Variants in PCDHA5 observed in about 807,000 individuals in gnomAD.
The protein encoded by PCDHA5 is protocadherin alpha 5.
Under a neutral mutation model 61.6 loss-of-function variants are expected in PCDHA5, and 43 were observed. That is an observed-to-expected ratio of 0.70 (90% CI 0.55 to 0.90). The LOEUF is 0.90. Among genes scored for constraint, PCDHA5 ranks in the 40% least tolerant of loss-of-function variants. The probability of loss-of-function intolerance (pLI) is 0.00; values close to 1 mark genes in which losing one functional copy is unlikely to be tolerated. For synonymous variants in PCDHA5, 627 were observed against 543.9 expected, an observed-to-expected ratio of 1.15 and a Z score of -2.13; for missense variants, 1,298 against 1,222.7, an observed-to-expected ratio of 1.06 and a Z score of -0.92.
At chr5:140,827,304 G>A (rs2150147020) in intron 1 of PCDHA5, among the ~76,000 whole-genome samples, 2 of 152,160 alleles carry the variant, frequency 1.3e-5, no homozygotes, top group East Asian at 1.9e-4. Flanking sequence ...AAAGCACAAT[G>A]GGTAGAAATT....
At chr5:140,880,493 T>C (rs910431574) in intron 1 of PCDHA5, among the ~76,000 whole-genome samples, 31 of 152,204 alleles carry the variant, frequency 2.0e-4, no homozygotes, top group African/African-American at 7.2e-4. Context: ...AAGAGAGCAA[T>C]TGAATTTCTG....
In PCDHA5 at chr5:140,991,828, C is replaced by T. The variant is rs1554252431; in HGVS notation, c.2500+9265C>T. Among the ~76,000 whole-genome samples, 6 of 152,168 alleles carry T rather than the reference C, an allele frequency of 3.9e-5. No homozygotes were observed. The South Asian group carries it at 6.2e-4, about 16-fold the overall frequency. The stretch of plus-strand genomic sequence containing the variant: ...CTTCCGCATTTTTAGGCATTTATAA[C>T]GGCAGAACCGCACTTCCAGATACCA... On this transcript the variant is annotated intron_variant, in intron 3 of 3. Transcript: ENST00000529859.
In PCDHA5 at chr5:140,877,192, G is replaced by C. The variant is rs202102698; in HGVS notation, c.2352+53065G>C. 3.5e-4 allele frequency: 559 copies of C among 1,613,846 alleles called. 3 individuals are homozygous for C. The African/African-American group carries it at 6.5e-3, about 19-fold the overall frequency. Reference sequence around the variant, plus strand: ...GCTGGCGACTCCGGCTGGCAGCGCAGGAGGCGCAGTTAGCGAGTTGGTACC... The same window carrying C: ...GCTGGCGACTCCGGCTGGCAGCGCACGAGGCGCAGTTAGCGAGTTGGTACC... On this transcript the variant is annotated intron_variant, in intron 1 of 3. Coordinates refer to ENST00000529859, the MANE Select transcript of PCDHA5 (RefSeq NM_018908.3).
intron 1 of PCDHA5, chr5:140,876,139 A>G (rs1554168285): frequency 6.2e-7 from 1 of 1,613,960 alleles, no homozygotes; most frequent in South Asian, 1.1e-5. Context: ...ACCAGAACTA[A>G]CAGGGTCTGT....
chr5:140,877,153 A>T (rs2056892429), intron 1 of PCDHA5: 2 of 1,613,798 alleles, frequency 1.2e-6, no homozygotes, highest in Non-Finnish European at 1.7e-6. Flanking sequence ...CGAGAACGAC[A>T]ACGCGCCGGC....
intron 1 of PCDHA5, chr5:140,856,082 T>C (rs781798552): frequency 6.9e-6 from 11 of 1,594,900 alleles, no homozygotes; most frequent in Non-Finnish European, 8.6e-6. Context: ...GGGGGTCCAG[T>C]GTCTGCTGCT....
intron 3 of PCDHA5, among the ~76,000 whole-genome samples, chr5:140,985,542 C>T (rs2097157092): frequency 6.6e-6 from 1 of 152,106 alleles, no homozygotes; most frequent in African/African-American, 2.4e-5. Context: ...GGTGAAGATG[C>T]AGTTGCTTCC....
At chr5:140,954,015 C>T (rs1322183660) in intron 1 of PCDHA5, among the ~76,000 whole-genome samples, 4 of 152,136 alleles carry the variant, frequency 2.6e-5, no homozygotes, top group African/African-American at 7.2e-5. Context: ...AGCTCCCACA[C>T]ATAGTGGGAC....
chr5:140,943,302 A>G, intron 1 of PCDHA5, among the ~76,000 whole-genome samples: 1 of 151,674 alleles, frequency 6.6e-6, no homozygotes, highest in Non-Finnish European at 1.5e-5. Context: ...AATTTTGGGA[A>G]GTCATTATTA....
At chr5:140,920,609 G>C (rs1319890021) in intron 1 of PCDHA5, among the ~76,000 whole-genome samples, 1 of 152,160 alleles carries the variant, frequency 6.6e-6, no homozygotes. Flanking sequence ...ACTTTGGGAG[G>C]CCGAGGCGGA....
At chr5:140,863,363 TG>T (rs1554158141) in intron 1 of PCDHA5, 2 of 1,206,158 alleles carry the variant, frequency 1.7e-6, no homozygotes, top group Non-Finnish European at 1.2e-6. Context: ...CTGCGGTGCT[TG>T]GCGCAGCTCA....
chr5:140,987,799 A>C (rs2097268880), intron 3 of PCDHA5, among the ~76,000 whole-genome samples: 2 of 152,140 alleles, frequency 1.3e-5, no homozygotes, highest in South Asian at 4.1e-4. Flanking sequence ...GATTTTTTTA[A>C]AGTGCCTGTC....
chr5:140,841,706 A>G, intron 1 of PCDHA5: 2 of 1,613,892 alleles, frequency 1.2e-6, no homozygotes, highest in Non-Finnish European at 1.7e-6. Context: ...TGTTAATGAC[A>G]ACCCGCCAGT....
chr5:140,945,022 A>G (rs926595272), intron 1 of PCDHA5, among the ~76,000 whole-genome samples: 2 of 152,140 alleles, frequency 1.3e-5, no homozygotes, highest in Non-Finnish European at 2.9e-5. Flanking sequence ...TTTTTTACTC[A>G]GACATAATTA....
intron 1 of PCDHA5, among the ~76,000 whole-genome samples, chr5:140,919,657 A>G (rs1341455821): frequency 3.9e-5 from 6 of 152,258 alleles, no homozygotes; most frequent in Non-Finnish European, 8.8e-5. Flanking sequence ...AGTTTACCAT[A>G]TATATTTTAG....
rs2150459394 is a variant in PCDHA5 at position 140,849,947 on chromosome 5, G to A, written c.2352+25820G>A. ...CGGTGTCTGCGCGGGACGCTGACGC[G>A]CAGGAGAACGCCCTGGTGTCCTACT... On this transcript the variant is annotated intron_variant, in intron 1 of 3. Transcript: ENST00000529859. 23 of 1,597,838 alleles carry A rather than the reference G, an allele frequency of 1.4e-5. 5 individuals carry two copies. The highest frequency in any genetic ancestry group is 3.3e-5 in the South Asian group (3 of 90,532).
In PCDHA5 at chr5:140,823,478, G is replaced by T. The variant is rs2150126228; in HGVS notation, c.1703G>T (p.Arg568Leu). ...AACGCGCCGGCGCTGCTGGTGCCTC[G>T]AGTGGGTGGCACCGGCGGCGCAGTG... ...NDNAPALLVP[R>L]VGGTGGAVSE... The change falls in exon 1 of 4, where the codon CGA (arginine) becomes CTA (leucine). Residue 568 changes from arginine (R) to leucine (L), a missense_variant. By Grantham distance (102) the Arg-to-Leu change is moderately radical (BLOSUM62 -2). Transcript: ENST00000529859. The T allele has an allele frequency of 3.1e-6, 5 of 1,613,472 alleles. No individual in the cohort carries two copies. In the East Asian group the frequency reaches 8.9e-5, roughly 29 times the overall value.
intron 1 of PCDHA5, among the ~76,000 whole-genome samples, chr5:140,840,839 T>C (rs1165670429): frequency 6.6e-6 from 1 of 152,038 alleles, no homozygotes; most frequent in Non-Finnish European, 1.5e-5. Context: ...TAAATATTAA[T>C]GCATTTCTTC....
At chr5:140,834,191 T>A in intron 1 of PCDHA5, 1 of 586,888 alleles carries the variant, frequency 1.7e-6, no homozygotes, top group Non-Finnish European at 3.0e-6. Context: ...ATGATGTCGC[T>A]CTTTACCGCA....
Sources: gnomAD v4.1 joint callset for allele counts (sites outside exome capture counted in the v4.1 genomes callset) on GRCh38, gnomAD v4.1.1 for gene constraint, MANE v1.5 for transcripts, NCBI Gene and HGNC (gene_info 2026-07-23, HGNC 2026-07-21) for gene names.